The following CCSER1 variants were observed in gnomAD, a reference collection of about 807,000 sequenced individuals.
CCSER1 encodes coiled-coil serine rich protein 1.
CCSER1 carries 41 observed loss-of-function variants against 82.0 expected under a neutral mutation model. That is an observed-to-expected ratio of 0.50 (90% CI 0.39 to 0.65). CCSER1 has a LOEUF of 0.65. Ranked by LOEUF, CCSER1 falls within the 30% of genes least tolerant of loss-of-function variation. The pLI, the probability that CCSER1 is intolerant of heterozygous loss-of-function variation, is 0.00. For missense variants in CCSER1, 1,119 were observed against 1,064.2 expected (o/e 1.05, Z -0.72); for synonymous variants, 414 against 383.9 (o/e 1.08, Z -0.92).
chr4:90,130,302 A>G (rs542807898), intron 1 of CCSER1, among the ~76,000 whole-genome samples: 3 of 152,286 alleles, frequency 2.0e-5, no homozygotes, highest in Admixed American at 6.5e-5. Context: ...AGAGTTAACA[A>G]CCCGTAACAA....
intron 4 of CCSER1, among the ~76,000 whole-genome samples, chr4:90,441,163 T>C (rs899749492): frequency 6.6e-6 from 1 of 152,186 alleles, no homozygotes; most frequent in Non-Finnish European, 1.5e-5. Context: ...GAGTTTCTTT[T>C]GGCGGCTTCC....
chr4:90,779,398 G>A (rs139502019), intron 7 of CCSER1, among the ~76,000 whole-genome samples: 5 of 151,376 alleles, frequency 3.3e-5, no homozygotes, highest in East Asian at 1.9e-4. Context: ...CTTACATAAC[G>A]CTCATCATAC....
intron 10 of CCSER1, among the ~76,000 whole-genome samples, chr4:91,337,759 A>T (rs1335834681): frequency 6.6e-6 from 1 of 152,120 alleles, no homozygotes; most frequent in Non-Finnish European, 1.5e-5. Flanking sequence ...TATTCTGTAG[A>T]CACTCTCTGG....
At position 91,542,493 on chromosome 4, in the gene CCSER1, T is replaced by C. The variant is rs1761656651; in HGVS notation, c.2218-56079T>C. Among the ~76,000 whole-genome samples the C allele has an allele frequency of 2.6e-5, 4 of 152,054 alleles. 1 individual carries two copies. In the South Asian group the frequency reaches 8.3e-4, roughly 32 times the overall value. ...CCATTTATTAAATAGGAGATTCTGT[T>C]ATGTTGTGTGTTTGTTCTCACTGGT... On this transcript the variant is annotated intron_variant, in intron 10 of 10. Transcript: ENST00000509176.
At chr4:90,590,750 C>T (rs1314663572) in intron 5 of CCSER1, among the ~76,000 whole-genome samples, 1 of 152,010 alleles carries the variant, frequency 6.6e-6, no homozygotes, top group East Asian at 1.9e-4. Flanking sequence ...CAGCTTTGTT[C>T]CTTTTGCTTA....
chr4:91,427,832 A>G (rs191080705), intron 10 of CCSER1, among the ~76,000 whole-genome samples: 5 of 152,222 alleles, frequency 3.3e-5, no homozygotes, highest in African/African-American at 1.2e-4. Context: ...GGAATTTTAA[A>G]TGATCTGGTG....
intron 9 of CCSER1, among the ~76,000 whole-genome samples, chr4:91,016,825 G>C (rs1261842722): frequency 6.6e-6 from 1 of 152,078 alleles, no homozygotes; most frequent in Non-Finnish European, 1.5e-5. Flanking sequence ...ATTTGTAGTT[G>C]TAGCTCTTTG....
intron 9 of CCSER1, among the ~76,000 whole-genome samples, chr4:90,983,905 T>TCTAAATG (rs1736352869): frequency 1.3e-5 from 2 of 151,924 alleles, no homozygotes; most frequent in Non-Finnish European, 2.9e-5. Flanking sequence ...TATACGATTC[T>TCTAAATG]CTAAATGCTT....
chr4:91,264,370 T>C (rs17018291), intron 10 of CCSER1, among the ~76,000 whole-genome samples: 4,056 of 151,966 alleles, frequency 0.027, 212 homozygotes, highest in East Asian at 0.22. Flanking sequence ...ATCTTTCTCA[T>C]TTCTAATATT....
chr4:91,169,728 C>T (rs1358852613), intron 10 of CCSER1, among the ~76,000 whole-genome samples: 1 of 151,478 alleles, frequency 6.6e-6, no homozygotes, highest in African/African-American at 2.4e-5. Flanking sequence ...GTGCATTAAG[C>T]TGTATATCAA....
At chr4:91,145,902 C>T (rs1028619505) in intron 10 of CCSER1, among the ~76,000 whole-genome samples, 1 of 152,080 alleles carries the variant, frequency 6.6e-6, no homozygotes, top group South Asian at 2.1e-4. Context: ...TGCACATTGA[C>T]CTTCAAAAGT....
At chr4:90,846,566 T>A (rs115267730) in intron 8 of CCSER1, among the ~76,000 whole-genome samples, 2,417 of 152,344 alleles carry the variant, frequency 0.016, 69 homozygotes, top group African/African-American at 0.054. Context: ...TATTACTTTG[T>A]GTTGAGAATA....
chr4:90,503,510 C>T (rs1361222119), intron 5 of CCSER1, among the ~76,000 whole-genome samples: 1 of 152,046 alleles, frequency 6.6e-6, no homozygotes, highest in Non-Finnish European at 1.5e-5. Context: ...GTGCTGCACC[C>T]ATCAGCTCGT....
intron 3 of CCSER1, among the ~76,000 whole-genome samples, chr4:90,386,692 A>G (rs535309121): frequency 1.3e-5 from 2 of 152,204 alleles, no homozygotes; most frequent in African/African-American, 4.8e-5. Context: ...GAAACAATCA[A>G]TGGAGTAAAA....
At chr4:91,476,865 C>T (rs977202245) in intron 10 of CCSER1, among the ~76,000 whole-genome samples, 1 of 151,494 alleles carries the variant, frequency 6.6e-6, no homozygotes, top group Non-Finnish European at 1.5e-5. Flanking sequence ...TATTCATATG[C>T]AGAAGAATGA....
intron 7 of CCSER1, among the ~76,000 whole-genome samples, chr4:90,730,961 G>A (rs1744600883): frequency 1.3e-5 from 2 of 152,126 alleles, no homozygotes; most frequent in Admixed American, 6.6e-5. Flanking sequence ...AAAGCCATTA[G>A]AGTGTTTGTT....
At chr4:90,949,746 A>T (rs978609476) in intron 9 of CCSER1, among the ~76,000 whole-genome samples, 2 of 151,304 alleles carry the variant, frequency 1.3e-5, no homozygotes, top group African/African-American at 4.8e-5. Context: ...TGGCATTTAC[A>T]TCTCATTTAA....
At chr4:90,178,310 T>C (rs1733082313) in intron 1 of CCSER1, among the ~76,000 whole-genome samples, 1 of 152,050 alleles carries the variant, frequency 6.6e-6, no homozygotes, top group African/African-American at 2.4e-5. Flanking sequence ...ATAGTAAAAA[T>C]ACAGTAACAG....
chr4:91,472,428 T>C (rs1449802071), intron 10 of CCSER1, among the ~76,000 whole-genome samples: 2 of 152,176 alleles, frequency 1.3e-5, no homozygotes, highest in Non-Finnish European at 2.9e-5. Flanking sequence ...TCCCATCGTA[T>C]CAATCAATAG....
Sources: allele counts gnomAD v4.1 joint callset (sites outside exome capture counted in the v4.1 genomes callset), GRCh38; gene constraint gnomAD v4.1.1; transcripts MANE v1.5; gene names NCBI Gene and HGNC (gene_info 2026-07-23, HGNC 2026-07-21).